Variants in CLNS1A observed in about 807,000 individuals in gnomAD.
The protein encoded by CLNS1A is methylosome subunit pICln.
A neutral mutation model predicts 29.4 loss-of-function variants in CLNS1A; 16 were observed. That is an observed-to-expected ratio of 0.54 (90% CI 0.37 to 0.83). The LOEUF (loss-of-function observed/expected upper bound fraction) is 0.83, where lower values mean the gene tolerates loss of function less well. CLNS1A is among the 40% of genes least tolerant of loss of function. The pLI is 0.00. For missense variants in CLNS1A, 235 were observed against 287.4 expected, an observed-to-expected ratio of 0.82 and a Z score of 1.32; for synonymous variants, 96 against 104.8, an observed-to-expected ratio of 0.92 and a Z score of 0.51.
intron 1 of CLNS1A, among the ~76,000 whole-genome samples, chr11:77,633,484 G>A (rs1044469018): frequency 3.3e-5 from 5 of 152,074 alleles, no homozygotes; most frequent in African/African-American, 9.7e-5. Flanking sequence ...CAAAGAAACC[G>A]TGAGTCAAAA....
chr11:77,631,390 G>A (rs1462097422), intron 1 of CLNS1A, among the ~76,000 whole-genome samples: 6 of 149,020 alleles, frequency 4.0e-5, no homozygotes, highest in African/African-American at 9.9e-5. Context: ...GGCGGATCTC[G>A]GCTCGCTGCA....
In CLNS1A at chr11:77,625,020, G is replaced by A; in HGVS notation, c.415C>T (p.Pro139Ser). The A allele has an allele frequency of 6.2e-7, 1 of 1,613,936 alleles. No homozygotes were observed. Among genetic ancestry groups the A allele is most frequent in the Non-Finnish European group, 8.5e-7 (1 of 1,179,916 alleles). Residue 139 changes from proline (P) to serine (S), a missense_variant, in exon 4 of 7, where the codon CCT (proline) becomes TCT (serine). By Grantham distance (74) the Pro-to-Ser change is moderately conservative. Transcript: ENST00000525428. ...TAGTCATCTGAATCCTCATCCTCAG[G>A]ATCTGGATGCAAGGCCTGGCATTCG... ...MCECQALHPD[P>S]EDEDSDDYDG...
intron 6 of CLNS1A, among the ~76,000 whole-genome samples, chr11:77,618,174 A>C (rs966956726): frequency 1.3e-5 from 2 of 152,228 alleles, no homozygotes; most frequent in African/African-American, 4.8e-5. Flanking sequence ...TGTATAGTCT[A>C]TTCTTCAAAA....
At chr11:77,618,532 C>T (rs1419308103) in intron 6 of CLNS1A, 1 of 152,126 alleles carries the variant, frequency 6.6e-6, no homozygotes, top group Non-Finnish European at 1.5e-5. Context: ...AATCATAGAA[C>T]TCTAAGAGGT....
At chr11:77,633,271 G>C (rs1384062442) in intron 1 of CLNS1A, among the ~76,000 whole-genome samples, 2 of 152,108 alleles carry the variant, frequency 1.3e-5, no homozygotes, top group Non-Finnish European at 2.9e-5. Context: ...TGCCATTAAA[G>C]TTTGCTGGGA....
chr11:77,621,461 T>C (rs908424660), intron 5 of CLNS1A, among the ~76,000 whole-genome samples: 3 of 152,150 alleles, frequency 2.0e-5, no homozygotes, highest in Admixed American at 6.5e-5. Context: ...TAAGCCAACA[T>C]GGTGGAACCT....
intron 1 of CLNS1A, among the ~76,000 whole-genome samples, chr11:77,633,513 T>A (rs1158387494): frequency 2.0e-5 from 3 of 152,190 alleles, no homozygotes; most frequent in African/African-American, 7.2e-5. Context: ...CAAGAAGAAT[T>A]AGACACAGAG....
intron 6 of CLNS1A, among the ~76,000 whole-genome samples, chr11:77,617,614 T>G (rs951653088): frequency 7.9e-5 from 12 of 151,474 alleles, no homozygotes; most frequent in Non-Finnish European, 1.8e-4. Flanking sequence ...GTATAAACAT[T>G]ATACATAATG....
At chr11:77,629,248 T>C (rs953636335) in intron 2 of CLNS1A, among the ~76,000 whole-genome samples, 9 of 152,172 alleles carry the variant, frequency 5.9e-5, no homozygotes, top group South Asian at 2.1e-4. Flanking sequence ...AGTGTAAATA[T>C]AGAGAAATAT....
rs376364645 is a variant in CLNS1A at position 77,625,719 on chromosome 11, G to A, written c.362C>T (p.Ala121Val). 5.0e-6 allele frequency: 8 copies of A among 1,609,882 alleles called. No homozygotes were observed. The highest frequency in any genetic ancestry group is 2.2e-5 in the East Asian group (1 of 44,840). Residue 121 changes from alanine to valine, a missense_variant and splice_region_variant, in exon 3 of 7, where the codon GCG becomes GTG. Ala to Val is a moderately conservative substitution (Grantham distance 64). Transcript: ENST00000525428. ...AATCAATACTGTAGAACACTCACACGCTGATTTATCACTAGGCACAAATCT... is the reference window on the plus strand; with the variant it reads ...AATCAATACTGTAGAACACTCACACACTGATTTATCACTAGGCACAAATCT... ...EFRFVPSDKS[A>V]LEAMFTAMCE...
intron 4 of CLNS1A, among the ~76,000 whole-genome samples, chr11:77,624,579 G>A (rs1425698564): frequency 6.6e-6 from 1 of 152,124 alleles, no homozygotes; most frequent in Non-Finnish European, 1.5e-5. Context: ...CAGCACTTTG[G>A]GAGGCCGAGG....
At chr11:77,622,973 T>C (rs1958978498) in intron 4 of CLNS1A, among the ~76,000 whole-genome samples, 1 of 148,688 alleles carries the variant, frequency 6.7e-6, no homozygotes. Flanking sequence ...AAAAAGAATC[T>C]GCTGAAGATA....
intron 1 of CLNS1A, among the ~76,000 whole-genome samples, chr11:77,630,308 ACT>A (rs1959061627): frequency 6.6e-6 from 1 of 152,102 alleles, no homozygotes; most frequent in African/African-American, 2.4e-5. Context: ...TTAGCACTTA[ACT>A]CTGTGGTAAT....
In CLNS1A at chr11:77,637,738, G is replaced by A; in HGVS notation, c.-24C>T. The A allele has an allele frequency of 6.5e-7, 1 of 1,549,556 alleles. No individual in the cohort carries two copies. The highest frequency in any genetic ancestry group is 8.7e-7 in the Non-Finnish European group (1 of 1,145,902). The stretch of plus-strand genomic sequence containing the variant: ...ATAGCAGCAGAGTGCGGCAACACAG[G>A]CCCTGAGGGAGTTGGAGCACAGCAA... On this transcript the variant is annotated 5_prime_UTR_variant, in exon 1 of 7. Transcript: ENST00000525428.
At chr11:77,623,314 G>A (rs970683882) in intron 4 of CLNS1A, among the ~76,000 whole-genome samples, 1 of 152,142 alleles carries the variant, frequency 6.6e-6, no homozygotes, top group Non-Finnish European at 1.5e-5. Context: ...TCAGGGCCAG[G>A]TGCAGTGGCT....
rs544506264 is a variant in CLNS1A at position 77,636,904 on chromosome 11, G to C, written c.125+686C>G. ...TTCTACAACCACAATATTTACGGTA[G>C]ATCTATCTGACTGTCAAAATACCAA... is the stretch of plus-strand genomic sequence containing the variant. On this transcript the variant is annotated intron_variant, in intron 1 of 6. Coordinates refer to ENST00000525428, the MANE Select transcript of CLNS1A (RefSeq NM_001293.3). 1.4e-4 allele frequency among the ~76,000 whole-genome samples: 21 copies of C among 152,212 alleles called. No individual in the cohort carries two copies. The South Asian group carries it at 4.4e-3, about 32-fold the overall frequency.
At chr11:77,630,028 G>T in intron 1 of CLNS1A, 129 bp from the exon 2 acceptor site, 5 of 767,060 alleles carry the variant, frequency 6.5e-6, no homozygotes, top group Non-Finnish European at 9.9e-6. Flanking sequence ...TTTTAGAAAC[G>T]TTCATAAAAT....
chr11:77,631,198 T>C (rs1393864155), intron 1 of CLNS1A, among the ~76,000 whole-genome samples: 4 of 152,086 alleles, frequency 2.6e-5, no homozygotes, highest in Non-Finnish European at 4.4e-5. Context: ...TTCCCCTAAA[T>C]GAAATCAATG....
At position 77,625,209 on chromosome 11, in the gene CLNS1A, T is replaced by A; in HGVS notation, c.365-139A>T. The A allele has an allele frequency of 8.0e-6, 5 of 627,096 alleles. No homozygotes were observed. The South Asian group carries it at 1.0e-4, about 13-fold the overall frequency. The allele number at this position is 627,096 out of a possible 1,614,324, so 38.8% of individuals were successfully genotyped here. A position where few individuals can be genotyped will look rare whatever the true frequency, so the allele number is the denominator to read the frequency against. On this transcript the variant is annotated intron_variant, in intron 3 of 6. Transcript: ENST00000525428. The stretch of plus-strand genomic sequence containing the variant: ...TTGTAAGATCAATCTTGAAAGCGGT[T>A]GAAGCAAAAGACAAGTCATAAAATA...
Sources: gnomAD v4.1 joint callset for allele counts (sites outside exome capture counted in the v4.1 genomes callset) on GRCh38, gnomAD v4.1.1 for gene constraint, MANE v1.5 for transcripts, NCBI Gene and HGNC (gene_info 2026-07-23, HGNC 2026-07-21) for gene names.